The following CDK18 variants were observed in gnomAD, a reference collection of about 807,000 sequenced individuals.
CDK18 encodes the protein cyclin dependent kinase 18.
CDK18 carries 52 observed loss-of-function variants against 62.0 expected under a neutral mutation model. The ratio of observed to expected loss-of-function variants is 0.84; its 90% CI spans 0.67 to 1.06. CDK18 has a LOEUF of 1.06. Ranked by LOEUF, CDK18 falls within the 50% of genes least tolerant of loss-of-function variation. CDK18 has a pLI of 0.00. For missense variants in CDK18, 604 were observed against 619.9 expected, an observed-to-expected ratio of 0.97 and a Z score of 0.27; for synonymous variants, 237 against 247.0, an observed-to-expected ratio of 0.96 and a Z score of 0.38.
chr1:205,505,941 G>A (rs1330701445), intron 1 of CDK18, among the ~76,000 whole-genome samples: 1 of 152,128 alleles, frequency 6.6e-6, no homozygotes, highest in Non-Finnish European at 1.5e-5. Context: ...GCTGTAGCCT[G>A]GGCCCTGTGA....
rs1222321649 is a variant in CDK18 at position 205,529,497 on chromosome 1, T to C, written c.1179-24T>C. 3 of 1,608,950 alleles carry C rather than the reference T, an allele frequency of 1.9e-6. No homozygotes were observed. The Admixed American group carries it at 5.0e-5, about 27-fold the overall frequency. On this transcript the variant is annotated intron_variant, in intron 12 of 15. Transcript: ENST00000429964. ...CTCCCATCCCCAATCAGGCACAGCC[T>C]GTGTCCGCGCCTTCTCCTTGCAGGT... is the stretch of plus-strand genomic sequence containing the variant.
intron 1 of CDK18, among the ~76,000 whole-genome samples, chr1:205,522,271 TGG>T (rs1668168033): frequency 6.6e-6 from 1 of 150,842 alleles, no homozygotes; most frequent in Non-Finnish European, 1.5e-5. Context: ...ACCGTGGGGG[TGG>T]GCAGAGCAGC....
intron 13 of CDK18, chr1:205,529,993 A>G: frequency 1.4e-6 from 2 of 1,399,248 alleles, no homozygotes; most frequent in South Asian, 3.0e-5. Flanking sequence ...GTTGGTTTGC[A>G]TCTGTATTTC....
rs1376095882 is a variant in CDK18, at chr1:205,528,493, A to T, written c.974+325A>T. ...TTCCCCAAGCATCAGTCCCAGTGAA[A>T]ATTTTGAAAGAGAAGTACTATTTTT... On this transcript the variant is annotated intron_variant, in intron 10 of 15. Coordinates refer to ENST00000429964, the MANE Select transcript of CDK18 (RefSeq NM_212502.3). The surrounding 1 kb of genome is among the most constrained non-coding windows in gnomAD (Gnocchi z 4.2). 6.6e-6 allele frequency among the ~76,000 whole-genome samples: 1 copy of T among 152,114 alleles called. No homozygotes were observed. The highest frequency in any genetic ancestry group is 6.5e-5 in the Admixed American group (1 of 15,274).
chr1:205,510,865 C>T (rs968583993), intron 1 of CDK18, among the ~76,000 whole-genome samples: 3 of 152,240 alleles, frequency 2.0e-5, no homozygotes, highest in South Asian at 2.1e-4. Context: ...ACAAGGTGAG[C>T]TGTGTGCTGG....
chr1:205,523,488 C>T lies in CDK18; in HGVS notation c.136C>T (p.Gln46Ter). Reference sequence around the variant, plus strand: ...CTGACGCCTGTCCCTCTTAGACTTGCAGCTCGGTCCTCTTGGCAGAGACCC... The same window carrying T: ...CTGACGCCTGTCCCTCTTAGACTTGTAGCTCGGTCCTCTTGGCAGAGACCC... Reference protein sequence around the residue: ...QLHNRRNENLQLGPLGRDPPQ... With the variant: ...QLHNRRNENL The change falls in exon 3 of 16, where the codon CAG becomes TAG. Residue 46 changes from glutamine to a stop codon, truncating the protein, a stop_gained. Coordinates refer to ENST00000429964, the MANE Select transcript of CDK18 (RefSeq NM_212502.3). LOFTEE classifies it high-confidence loss of function. 1.2e-6 allele frequency: 2 copies of T among 1,602,080 alleles called. No homozygotes were observed. Among genetic ancestry groups the T allele is most frequent in the Non-Finnish European group, 1.7e-6 (2 of 1,174,950 alleles).
intron 13 of CDK18, 45 bp downstream of exon 13, chr1:205,529,608 C>CAA: frequency 6.2e-7 from 1 of 1,613,184 alleles, no homozygotes; most frequent in Non-Finnish European, 8.5e-7. Flanking sequence ...AGCCAAAGAG[C>CAA]CAGGTCCCTG....
intron 15 of CDK18, among the ~76,000 whole-genome samples, chr1:205,531,113 T>G (rs1668715157): frequency 1.3e-5 from 2 of 152,324 alleles, no homozygotes; most frequent in South Asian, 2.1e-4. Context: ...ACTATTAATA[T>G]TCCCCATTTC....
intron 1 of CDK18, among the ~76,000 whole-genome samples, chr1:205,509,525 C>T (rs1667467924): frequency 6.6e-6 from 1 of 152,148 alleles, no homozygotes; most frequent in Non-Finnish European, 1.5e-5. Flanking sequence ...GTAATTTGCT[C>T]ACCCAGGTTT....
At position 205,523,645 on chromosome 1, in the gene CDK18, T is replaced by C. The variant is rs1195172473; in HGVS notation, c.273+20T>C. The C allele has an allele frequency of 1.4e-5, 22 of 1,558,280 alleles. No individual in the cohort carries two copies. Among genetic ancestry groups the C allele is most frequent in the Non-Finnish European group, 1.9e-5 (22 of 1,150,832 alleles). On this transcript the variant is annotated intron_variant, in intron 3 of 15. Coordinates refer to ENST00000429964, the MANE Select transcript of CDK18 (RefSeq NM_212502.3). ...ATGGAGGTAAGGGCCTCTGGAGCTC[T>C]GCCCCGGCAGGTGGCAGGATGCACG... is the stretch of plus-strand genomic sequence containing the variant.
At chr1:205,508,949 G>A (rs1667438393) in intron 1 of CDK18, among the ~76,000 whole-genome samples, 1 of 151,694 alleles carries the variant, frequency 6.6e-6, no homozygotes, top group Non-Finnish European at 1.5e-5. Flanking sequence ...AGGAGTTTGA[G>A]ACCAGCCTGG....
At chr1:205,530,568 G>C in intron 14 of CDK18, 60 bp from the exon 15 acceptor site, 1 of 1,498,518 alleles carries the variant, frequency 6.7e-7, no homozygotes, top group Non-Finnish European at 9.3e-7. Flanking sequence ...TTCTGGGCCA[G>C]TCCTTACTGG....
chr1:205,524,186 C>T (rs1443356739), intron 3 of CDK18, 46 bp from the exon 4 acceptor site: 2 of 1,613,382 alleles, frequency 1.2e-6, no homozygotes, highest in East Asian at 2.2e-5. Context: ...GCCCTAGCTA[C>T]CCTGAAACCA....
chr1:205,518,698 C>T (rs967004170), intron 1 of CDK18, among the ~76,000 whole-genome samples: 4 of 152,206 alleles, frequency 2.6e-5, no homozygotes, highest in East Asian at 1.9e-4. Context: ...GCTGTGTGAG[C>T]GTCTTCCCCT....
chr1:205,508,719 C>T (rs572253998), intron 1 of CDK18, among the ~76,000 whole-genome samples: 1 of 152,290 alleles, frequency 6.6e-6, no homozygotes, highest in African/African-American at 2.4e-5. Flanking sequence ...TGGCACGCGC[C>T]TGTAGTCCCA....
In CDK18 at chr1:205,528,117, C is replaced by T. The variant is rs1241235480; in HGVS notation, c.923C>T (p.Pro308Leu). 6.2e-7 allele frequency: 1 copy of T among 1,613,872 alleles called. No individual in the cohort carries two copies. The highest frequency in any genetic ancestry group is 1.3e-5 in the African/African-American group (1 of 74,876). ...GAGGTGGTGACCCTGTGGTACAGGC[C>T]CCCCGATGTGCTGCTGGGATCCACA... is the stretch of plus-strand genomic sequence containing the variant. ...SNEVVTLWYRPPDVLLGSTEY... is the reference protein window; with the variant it reads ...SNEVVTLWYRLPDVLLGSTEY... Residue 308 changes from proline to leucine, a missense_variant, in exon 10 of 16, where the codon CCC (proline) becomes CTC (leucine). Physicochemically the swap from Pro to Leu is moderately conservative, Grantham distance 98. Transcript: ENST00000429964. The surrounding 1 kb of genome is among the most constrained non-coding windows in gnomAD (Gnocchi z 4.2).
chr1:205,526,297 T>C, intron 6 of CDK18, 70 bp from the exon 7 acceptor site: 1 of 1,484,262 alleles, frequency 6.7e-7, no homozygotes, highest in Non-Finnish European at 9.4e-7. Flanking sequence ...CTCCTGGCGC[T>C]GACCCCAAGA....
At position 205,529,381 on chromosome 1, in the gene CDK18, A is replaced by C; in HGVS notation, c.1130A>C (p.Tyr377Ser). Residue 377 changes from tyrosine to serine, a missense_variant, in exon 12 of 16, where the codon TAC (tyrosine) becomes TCC (serine). Transcript: ENST00000429964. Reference protein sequence around the residue: ...GVTAFSEFRTYSFPCYLPQPL... With the variant: ...GVTAFSEFRTSSFPCYLPQPL... ...ACCGCCTTCTCTGAGTTCCGCACCT[A>C]CAGCTTCCCCTGCTACCTCCCGCAG... 1 of 1,613,972 alleles carries C rather than the reference A, an allele frequency of 6.2e-7. No individual in the cohort carries two copies. Among genetic ancestry groups the C allele is most frequent in the Non-Finnish European group, 8.5e-7 (1 of 1,179,932 alleles).
chr1:205,505,482 A>G (rs1460760281), intron 1 of CDK18, among the ~76,000 whole-genome samples: 1 of 152,146 alleles, frequency 6.6e-6, no homozygotes, highest in African/African-American at 2.4e-5. Context: ...ACCCCTCATC[A>G]ACAGGCGACA....
Sources: gnomAD v4.1 joint callset for allele counts (sites outside exome capture counted in the v4.1 genomes callset) on GRCh38, gnomAD v4.1.1 for gene constraint, Gnocchi (gnomAD v3.1) non-coding constraint, MANE v1.5 for transcripts, NCBI Gene and HGNC (gene_info 2026-07-23, HGNC 2026-07-21) for gene names.